The following KDM4C variants were observed in gnomAD, a reference collection of about 807,000 sequenced individuals.
The protein encoded by KDM4C is lysine-specific demethylase 4C.
Under a neutral mutation model 129.3 loss-of-function variants are expected in KDM4C, and 81 were observed. The ratio of observed to expected loss-of-function variants is 0.63; its 90% CI spans 0.52 to 0.75. KDM4C has a LOEUF of 0.75. KDM4C is among the 30% of genes least tolerant of loss of function. The pLI is 0.00. For synonymous variants in KDM4C, 573 were observed against 456.1 expected, an observed-to-expected ratio of 1.26 and a Z score of -3.26; for missense variants, 1,457 against 1,304.0, an observed-to-expected ratio of 1.12 and a Z score of -1.81.
chr9:6,919,255 C>CTTTCTTTCTTTCTTTCT (rs1554643789), intron 8 of KDM4C, among the ~76,000 whole-genome samples: 5,691 of 121,350 alleles, frequency 0.047, 168 homozygotes, highest in East Asian at 0.087. Flanking sequence ...TCTTTTCTTT[C>CTTTCTTTCTTTCTTTCT]TTTCTTTCTT....
intron 17 of KDM4C, among the ~76,000 whole-genome samples, chr9:7,100,049 G>C (rs1405358360): frequency 6.6e-6 from 1 of 151,994 alleles, no homozygotes; most frequent in African/African-American, 2.4e-5. Flanking sequence ...CTCTGCCCTG[G>C]CATATTATTT....
chr9:6,782,473 A>G (rs958278968), intron 1 of KDM4C, among the ~76,000 whole-genome samples: 1 of 152,126 alleles, frequency 6.6e-6, no homozygotes, highest in Admixed American at 6.6e-5. Flanking sequence ...CCCTCTCTCA[A>G]TGGAGTTCTT....
chr9:6,982,339 T>C (rs968175335), intron 9 of KDM4C: 1 of 152,146 alleles, frequency 6.6e-6, no homozygotes, highest in Non-Finnish European at 1.5e-5. Flanking sequence ...CAGAACTAAC[T>C]CAGGTGTTGA....
intron 8 of KDM4C, among the ~76,000 whole-genome samples, chr9:6,919,247 T>TTTCTTTCTTTCTTTCTTTCTTTCC: frequency 2.1e-4 from 22 of 106,370 alleles, no homozygotes; most frequent in African/African-American, 4.8e-4. Flanking sequence ...TCTTTCTTTC[T>TTTCTTTCTTTCTTTCTTTCTTTCC]TTTCTTTCTT....
chr9:6,833,796 T>C (rs1588582575), intron 4 of KDM4C, among the ~76,000 whole-genome samples: 1 of 152,342 alleles, frequency 6.6e-6, no homozygotes, highest in East Asian at 1.9e-4. Flanking sequence ...TAGCTGATTC[T>C]GACCAAGAGA....
chr9:7,071,801 C>A (rs891618014), intron 17 of KDM4C, among the ~76,000 whole-genome samples: 8 of 152,108 alleles, frequency 5.3e-5, no homozygotes, highest in Admixed American at 3.3e-4. Context: ...CACTTCTGCT[C>A]TTTGAAAAAC....
In KDM4C at chr9:7,128,222, C is replaced by T; in HGVS notation, c.2767C>T (p.Pro923Ser). 6.3e-7 allele frequency: 1 copy of T among 1,595,274 alleles called. No homozygotes were observed. Among genetic ancestry groups the T allele is most frequent in the Non-Finnish European group, 8.5e-7 (1 of 1,170,898 alleles). ...TGGCTCCTTTAGCAGAGACACATTTCCTGAGGATATCGTGGTAAGTAGGCT... is the reference window on the plus strand; with the variant it reads ...TGGCTCCTTTAGCAGAGACACATTTTCTGAGGATATCGTGGTAAGTAGGCT... ...DDGSFSRDTFPEDIVSRDCLK... is the reference protein window; with the variant it reads ...DDGSFSRDTFSEDIVSRDCLK... Residue 923 changes from proline (P) to serine (S), a missense_variant, in exon 19 of 22, where the codon CCT becomes TCT. Coordinates refer to ENST00000381309, the MANE Select transcript of KDM4C (RefSeq NM_015061.6).
intron 1 of KDM4C, among the ~76,000 whole-genome samples, chr9:6,770,192 CA>C (rs1294916938): frequency 1.1e-4 from 15 of 141,964 alleles, no homozygotes; most frequent in Admixed American, 1.1e-3. Context: ...AAAGGAAAAA[CA>C]AAACAAACAA....
At chr9:6,741,715 A>AAAGTTTTTTTTT (rs1390346853) in intron 1 of KDM4C, among the ~76,000 whole-genome samples, 1 of 26,514 alleles carries the variant, frequency 3.8e-5, no homozygotes, top group African/African-American at 1.5e-4. Flanking sequence ...GACACTTTTT[A>AAAGTTTTTTTTT]TTCAGCACTT....
rs1042594969 is a variant in KDM4C at position 7,158,817 on chromosome 9, G to C, written c.2782-6421G>C. Among the ~76,000 whole-genome samples, 4 of 152,172 alleles carry C rather than the reference G, an allele frequency of 2.6e-5. No individual in the cohort carries two copies. In the East Asian group the frequency reaches 5.8e-4, roughly 22 times the overall value. ...TGGTGTTGGGAAGAGTGTATATTCT[G>C]TTGATTTGGGGTGGAGAGTCCTGTA... On this transcript the variant is annotated intron_variant, in intron 19 of 21. Coordinates refer to ENST00000381309, the MANE Select transcript of KDM4C (RefSeq NM_015061.6).
At chr9:7,051,475 C>G (rs569037185) in intron 17 of KDM4C, among the ~76,000 whole-genome samples, 1 of 152,226 alleles carries the variant, frequency 6.6e-6, no homozygotes, top group Non-Finnish European at 1.5e-5. Flanking sequence ...GAATAGGATG[C>G]TCTGCCTGTA....
At chr9:6,972,529 A>G (rs553005558) in intron 8 of KDM4C, among the ~76,000 whole-genome samples, 1 of 152,338 alleles carries the variant, frequency 6.6e-6, no homozygotes, top group East Asian at 1.9e-4. Context: ...GCTTAGGAAA[A>G]TGCCACCAGT....
At chr9:7,033,122 C>G (rs891940567) in intron 15 of KDM4C, among the ~76,000 whole-genome samples, 15 of 150,064 alleles carry the variant, frequency 1.0e-4, no homozygotes, top group Non-Finnish European at 1.6e-4. Context: ...TTGCTGTTCC[C>G]TCTGATCTGT....
At chr9:6,742,496 CGTGA>C (rs1249381896) in intron 1 of KDM4C, among the ~76,000 whole-genome samples, 1 of 151,224 alleles carries the variant, frequency 6.6e-6, no homozygotes, top group Non-Finnish European at 1.5e-5. Context: ...TGCTGGCCTT[CGTGA>C]GTATCAGTTA....
At chr9:6,770,979 T>C (rs978876929) in intron 1 of KDM4C, among the ~76,000 whole-genome samples, 5 of 151,698 alleles carry the variant, frequency 3.3e-5, no homozygotes, top group African/African-American at 1.2e-4. Flanking sequence ...TTTCACCATA[T>C]TGGCCAAGCT....
At chr9:6,919,191 A>C (rs1820878484) in intron 8 of KDM4C, among the ~76,000 whole-genome samples, 1 of 143,518 alleles carries the variant, frequency 7.0e-6, no homozygotes, top group South Asian at 2.2e-4. Flanking sequence ...TTGTTGTTTT[A>C]AGTTTCTTAC....
At chr9:6,849,856 G>C (rs148614595) in intron 5 of KDM4C, among the ~76,000 whole-genome samples, 156 bp downstream of exon 5, 1 of 152,272 alleles carries the variant, frequency 6.6e-6, no homozygotes, top group African/African-American at 2.4e-5. Flanking sequence ...CTTCTATTCT[G>C]TCTGGGATTG....
At chr9:6,796,135 G>C (rs1231632334) in intron 2 of KDM4C, among the ~76,000 whole-genome samples, 4 of 152,076 alleles carry the variant, frequency 2.6e-5, no homozygotes, top group African/African-American at 9.7e-5. Flanking sequence ...TCTTTATTGG[G>C]TTAGCTCATC....
chr9:6,919,533 GTCTGTCTGTCTGTCTATCTA>G (rs1245953469), intron 8 of KDM4C, among the ~76,000 whole-genome samples: 93 of 58,700 alleles, frequency 1.6e-3, no homozygotes, highest in Admixed American at 6.4e-3. Flanking sequence ...AATTTCATCT[GTCTGTCTGTCTGTCTATCTA>G]TCTATCTATC....
Sources: allele counts gnomAD v4.1 joint callset (sites outside exome capture counted in the v4.1 genomes callset), GRCh38; gene constraint gnomAD v4.1.1; transcripts MANE v1.5; gene names NCBI Gene and HGNC (gene_info 2026-07-23, HGNC 2026-07-21).